Variants in NDUFAF6 observed in about 807,000 individuals in gnomAD.
NDUFAF6 encodes the protein NADH dehydrogenase (ubiquinone) complex I, assembly factor 6.
Under a neutral mutation model 40.8 loss-of-function variants are expected in NDUFAF6, and 45 were observed. The ratio of observed to expected loss-of-function variants is 1.10; its 90% confidence interval spans 0.87 to 1.42. The LOEUF (loss-of-function observed/expected upper bound fraction) is 1.42, where lower values mean the gene tolerates loss of function less well. Ranked by LOEUF, NDUFAF6 falls within the 40% of genes most tolerant of loss-of-function variation. The pLI is 0.00. For synonymous variants in NDUFAF6, 185 were observed against 155.9 expected (o/e 1.19, Z -1.39); for missense variants, 435 against 418.5 (o/e 1.04, Z -0.34).
At chr8:95,013,077 T>C (rs1056803858) in intron 2 of NDUFAF6, among the ~76,000 whole-genome samples, 1 of 152,108 alleles carries the variant, frequency 6.6e-6, no homozygotes, top group Non-Finnish European at 1.5e-5. Context: ...AAGTTTGTGA[T>C]AGAGATATGG....
At chr8:95,041,531 A>T in intron 3 of NDUFAF6, 39 bp from the exon 4 acceptor site, 1 of 1,397,436 alleles carries the variant, frequency 7.2e-7, no homozygotes, top group Non-Finnish European at 1.0e-6. Flanking sequence ...AGTCATTTCT[A>T]GTACTTTCTA....
chr8:95,026,694 T>A lies in NDUFAF6; in HGVS notation c.197+1489T>A, dbSNP rs1587000295. On this transcript the variant is annotated intron_variant, in intron 1 of 8. Transcript: ENST00000396124. ...CCAATAGCCGCTAGTGTCATAACTT[T>A]GCAGAGATAATCACTTTTAAAAATT... Among the ~76,000 whole-genome samples, 4 of 152,342 alleles carry A rather than the reference T, an allele frequency of 2.6e-5. No homozygotes were observed. In the South Asian group the frequency reaches 8.3e-4, roughly 32 times the overall value.
At chr8:94,983,577 A>G (rs957521559) in intron 2 of NDUFAF6, among the ~76,000 whole-genome samples, 4 of 152,058 alleles carry the variant, frequency 2.6e-5, no homozygotes, top group Non-Finnish European at 4.4e-5. Flanking sequence ...AATTTTTCTT[A>G]AATCAAGTCC....
chr8:94,930,798 T>C, intron 1 of NDUFAF6: 1 of 1,530,492 alleles, frequency 6.5e-7, no homozygotes, highest in Non-Finnish European at 8.8e-7. Flanking sequence ...AAAAGTTACT[T>C]AGCAATTCAA....
downstream of NDUFAF6, among the ~76,000 whole-genome samples, chr8:95,104,434 C>T (rs893719080): frequency 1.6e-4 from 25 of 152,182 alleles, no homozygotes; most frequent in Admixed American, 3.9e-4. Flanking sequence ...GGTCCCTGTA[C>T]GCATTTACAT....
intron 2 of NDUFAF6, among the ~76,000 whole-genome samples, chr8:95,006,994 CAA>C (rs772778989): frequency 1.3e-4 from 18 of 134,304 alleles, no homozygotes; most frequent in Admixed American, 2.2e-4. Flanking sequence ...AATATAAGGG[CAA>C]AAAAAAAAAA....
upstream of NDUFAF6, among the ~76,000 whole-genome samples, chr8:95,020,702 G>A (rs1827658974): frequency 6.6e-6 from 1 of 152,198 alleles, no homozygotes; most frequent in African/African-American, 2.4e-5. Flanking sequence ...CCCAATGCCA[G>A]GCACTTGGCC....
rs191687210 is a variant in NDUFAF6 at position 95,051,970 on chromosome 8, G to C, written c.817-204G>C. ...GGAAAATGCTAAAGCCAATCTGTAAGAAAGGATGGAATTTTTACTACAGTA... is the reference window on the plus strand; with the variant it reads ...GGAAAATGCTAAAGCCAATCTGTAACAAAGGATGGAATTTTTACTACAGTA... On this transcript the variant is annotated intron_variant, in intron 7 of 8. Coordinates refer to ENST00000396124, the MANE Select transcript of NDUFAF6 (RefSeq NM_152416.4). 2.3e-3 allele frequency among the ~76,000 whole-genome samples: 351 copies of C among 152,292 alleles called. 2 individuals carry two copies. The highest frequency in any genetic ancestry group is 8.2e-3 in the African/African-American group (341 of 41,572).
At chr8:94,935,128 T>TATATATAGATAGATAGATAGATAG (rs1554630990) in intron 1 of NDUFAF6, among the ~76,000 whole-genome samples, 1 of 144,640 alleles carries the variant, frequency 6.9e-6, no homozygotes, top group Non-Finnish European at 1.5e-5. Flanking sequence ...GGTAGATAGA[T>TATATATAGATAGATAGATAGATAG]ATAGATAGAT....
In NDUFAF6 at chr8:95,058,070, A is replaced by C; in HGVS notation, c.*133A>C. ...TGAATGGGATGTCAAGTAGCTCACA[A>C]AATTGAGAAGTTGCCGTGGGACTAG... On this transcript the variant is annotated 3_prime_UTR_variant, in exon 9 of 9. Transcript: ENST00000396124. 6.8e-7 allele frequency: 1 copy of C among 1,470,106 alleles called. No individual in the cohort carries two copies. The highest frequency in any genetic ancestry group is 2.5e-5 in the East Asian group (1 of 40,624). 91.1% of individuals were successfully genotyped at this position (1,470,106 alleles called of 1,614,324 possible).
chr8:94,913,026 T>C (rs1485120571), intron 1 of NDUFAF6, among the ~76,000 whole-genome samples: 2 of 152,170 alleles, frequency 1.3e-5, no homozygotes, highest in East Asian at 1.9e-4. Context: ...GGAACAAATA[T>C]AGATTGTAAG....
chr8:94,914,646 T>C (rs1173187179), intron 1 of NDUFAF6, among the ~76,000 whole-genome samples: 1 of 152,166 alleles, frequency 6.6e-6, no homozygotes, highest in Non-Finnish European at 1.5e-5. Context: ...GGTTCTTGGC[T>C]GGGCACGGTG....
At chr8:95,000,300 G>GCACT (rs1826661417) in intron 2 of NDUFAF6, among the ~76,000 whole-genome samples, 1 of 152,104 alleles carries the variant, frequency 6.6e-6, no homozygotes, top group Non-Finnish European at 1.5e-5. Context: ...CTGCACCATT[G>GCACT]CACTCCAGCC....
chr8:95,008,596 T>C lies in NDUFAF6; in HGVS notation c.-83-23399T>C, dbSNP rs1291313525. 2.0e-5 allele frequency among the ~76,000 whole-genome samples: 3 copies of C among 152,194 alleles called. No homozygotes were observed. The South Asian group carries it at 6.2e-4, about 31-fold the overall frequency. ...ATCTTGGCTCACTGCAACCTCCGCCTCCTGGGTTCAAACGATTCTTCTGAC... is the reference window on the plus strand; with the variant it reads ...ATCTTGGCTCACTGCAACCTCCGCCCCCTGGGTTCAAACGATTCTTCTGAC... On this transcript the variant is annotated intron_variant, in intron 2 of 9. Coordinates refer to the NDUFAF6 transcript ENST00000396111.
chr8:94,955,948 T>C (rs1293585074), upstream of NDUFAF6, among the ~76,000 whole-genome samples: 1 of 152,178 alleles, frequency 6.6e-6, no homozygotes, highest in East Asian at 1.9e-4. Context: ...AACCAATCAG[T>C]CCTGTAAATT....
chr8:95,069,371 G>C (rs1832777415), intron 9 of NDUFAF6: 1 of 151,984 alleles, frequency 6.6e-6, no homozygotes, highest in South Asian at 2.1e-4. Context: ...CGGGGGGTAA[G>C]AGTTGCATTA....
At chr8:95,046,066 T>TTTTATTTTA (rs1177423862) in intron 5 of NDUFAF6, among the ~76,000 whole-genome samples, 1 of 151,344 alleles carries the variant, frequency 6.6e-6, no homozygotes, top group African/African-American at 2.4e-5. Context: ...ATTTTATTTA[T>TTTTATTTTA]TTTATTTTAT....
At chr8:95,064,489 A>G (rs73278550) in intron 9 of NDUFAF6, among the ~76,000 whole-genome samples, 1,910 of 152,240 alleles carry the variant, frequency 0.013, 46 homozygotes, top group African/African-American at 0.044. Flanking sequence ...TTTAAAAGTC[A>G]CCCATAATTT....
At chr8:94,983,862 A>T (rs1242181406) in intron 2 of NDUFAF6, among the ~76,000 whole-genome samples, 2 of 152,128 alleles carry the variant, frequency 1.3e-5, no homozygotes, top group Non-Finnish European at 2.9e-5. Context: ...GCACTTATTA[A>T]AGTACAGATT....
Sources: allele counts gnomAD v4.1 joint callset (sites outside exome capture counted in the v4.1 genomes callset), GRCh38; gene constraint gnomAD v4.1.1; transcripts MANE v1.5; gene names NCBI Gene and HGNC (gene_info 2026-07-23, HGNC 2026-07-21).